FRMD4B: variants seen among roughly 807,000 people sequenced by gnomAD.
FRMD4B encodes FERM domain-containing protein 4B.
Under a neutral mutation model 141.5 loss-of-function variants are expected in FRMD4B, and 74 were observed. The ratio of observed to expected loss-of-function variants is 0.52; its 90% CI spans 0.43 to 0.63. FRMD4B has a LOEUF of 0.63. Among genes scored for constraint, FRMD4B ranks in the 30% least tolerant of loss-of-function variants. The pLI is 0.00. For synonymous variants in FRMD4B, 506 were observed against 467.9 expected, an observed-to-expected ratio of 1.08 and a Z score of -1.05; for missense variants, 1,366 against 1,253.4, an observed-to-expected ratio of 1.09 and a Z score of -1.36.
chr3:69,456,244 C>T (rs1705610554), intron 1 of FRMD4B, among the ~76,000 whole-genome samples: 1 of 76,306 alleles, frequency 1.3e-5, no homozygotes, highest in South Asian at 4.7e-4. Flanking sequence ...AAAGTGTTTG[C>T]ACAAAGTAAG....
intron 5 of FRMD4B, among the ~76,000 whole-genome samples, chr3:69,279,920 A>G (rs2093637133): frequency 6.6e-6 from 1 of 151,780 alleles, no homozygotes; most frequent in Non-Finnish European, 1.5e-5. Context: ...CATTATTACC[A>G]TATTTATATA....
intron 3 of FRMD4B, among the ~76,000 whole-genome samples, chr3:69,307,419 C>A (rs371289995): frequency 1.3e-4 from 20 of 152,246 alleles, no homozygotes; most frequent in African/African-American, 4.6e-4. Flanking sequence ...CGGTTCACTG[C>A]AACCTCCACC....
At chr3:69,381,529 C>A (rs1704119018) in intron 1 of FRMD4B, among the ~76,000 whole-genome samples, 2 of 152,172 alleles carry the variant, frequency 1.3e-5, no homozygotes, top group Admixed American at 1.3e-4. Flanking sequence ...TTTTTATCAA[C>A]AAGATCATCT....
At chr3:69,260,992 T>G (rs1344571531) in intron 5 of FRMD4B, among the ~76,000 whole-genome samples, 4 of 152,194 alleles carry the variant, frequency 2.6e-5, no homozygotes, top group Non-Finnish European at 5.9e-5. Context: ...CAATTAGCTC[T>G]CTGTAAAATG....
chr3:69,230,201 C>T (rs991851055), intron 7 of FRMD4B, among the ~76,000 whole-genome samples: 1 of 152,010 alleles, frequency 6.6e-6, no homozygotes, highest in African/African-American at 2.4e-5. Context: ...TGATCTTGAA[C>T]TCCTGACCTC....
chr3:69,195,358 T>G lies in FRMD4B; in HGVS notation c.1241A>C (p.Gln414Pro), dbSNP rs748062011. The stretch of plus-strand genomic sequence containing the variant: ...TTGCTCTTCACTAACTTCTGAGTCT[T>G]GAGAACCTAGGGGATGAGGGAAGGG... The part of the protein sequence containing the change: ...SNGSLISSGS[Q>P]DSEVSEEQKR... The change falls in exon 15 of 23, where the codon CAA becomes CCA. Residue 414 changes from glutamine to proline, a missense_variant. Physicochemically the swap from Gln to Pro is moderately conservative, Grantham distance 76. Coordinates refer to ENST00000398540, the MANE Select transcript of FRMD4B (RefSeq NM_015123.3). 23 of 1,610,436 alleles carry G rather than the reference T, an allele frequency of 1.4e-5. No individual in the cohort carries two copies. In the South Asian group the frequency reaches 2.3e-4, roughly 16 times the overall value.
At chr3:69,472,247 C>A in intron 1 of FRMD4B, 1 of 322,840 alleles carries the variant, frequency 3.1e-6, no homozygotes, top group Admixed American at 3.3e-5. Flanking sequence ...GTGAGTTCAG[C>A]ATGTCCAGCC....
chr3:69,239,091 G>A (rs1410231448), intron 7 of FRMD4B, among the ~76,000 whole-genome samples: 1 of 152,208 alleles, frequency 6.6e-6, no homozygotes, highest in Non-Finnish European at 1.5e-5. Context: ...AACTTTGAAA[G>A]TAACTTGCCA....
chr3:69,270,706 C>G (rs2093590603), intron 5 of FRMD4B, among the ~76,000 whole-genome samples: 1 of 151,988 alleles, frequency 6.6e-6, no homozygotes, highest in South Asian at 2.1e-4. Context: ...GCTGGGACTA[C>G]AGGCGCCCGC....
rs573533090 is a variant in FRMD4B, at chr3:69,329,122, A to G, written c.163-15605T>C. Among the ~76,000 whole-genome samples the G allele has an allele frequency of 4.4e-4, 67 of 152,364 alleles. 1 individual carries two copies. The highest frequency in any genetic ancestry group is 8.5e-4 in the Admixed American group (13 of 15,304). On this transcript the variant is annotated intron_variant, in intron 1 of 22. Coordinates refer to ENST00000398540, the MANE Select transcript of FRMD4B (RefSeq NM_015123.3). ...CATACCAGTGGAGAAAGTGATGGTC[A>G]GAACACTCAGGATGTGGAGGCCGTT...
At chr3:69,501,074 T>G (rs894025964) in intron 1 of FRMD4B, among the ~76,000 whole-genome samples, 31 of 152,164 alleles carry the variant, frequency 2.0e-4, no homozygotes, top group Admixed American at 2.0e-3. Context: ...GTAAAAAAAT[T>G]TAAAAATCAG....
chr3:69,371,981 C>T (rs766799752), intron 1 of FRMD4B, among the ~76,000 whole-genome samples: 10 of 152,160 alleles, frequency 6.6e-5, no homozygotes, highest in Non-Finnish European at 1.0e-4. Context: ...ACCAGGGCAC[C>T]GTGTGATCTA....
At chr3:69,408,092 G>A (rs1296139703) in intron 2 of FRMD4B, among the ~76,000 whole-genome samples, 1 of 152,148 alleles carries the variant, frequency 6.6e-6, no homozygotes, top group East Asian at 1.9e-4. Context: ...GCACAGCTGC[G>A]TGCCAATAAA....
In FRMD4B at chr3:69,229,964, G is replaced by T. The variant is rs191041474; in HGVS notation, c.582-5274C>A. 1.5e-3 allele frequency among the ~76,000 whole-genome samples: 228 copies of T among 151,790 alleles called. 1 individual carries two copies. The highest frequency in any genetic ancestry group is 5.2e-3 in the African/African-American group (215 of 41,390). On this transcript the variant is annotated intron_variant, in intron 7 of 22. Transcript: ENST00000398540. ...CATGATCAAGAGATAGACCGCACCC[G>T]GCCAGACTATCAAACTTTTTTTTTT...
intron 4 of FRMD4B, among the ~76,000 whole-genome samples, chr3:69,298,702 G>C (rs1178780887): frequency 6.6e-6 from 1 of 152,162 alleles, no homozygotes; most frequent in Admixed American, 6.6e-5. Context: ...CCTGGGTCCT[G>C]GGTCCTTGTC....
At chr3:69,511,565 C>A (rs1213232731) in intron 1 of FRMD4B, among the ~76,000 whole-genome samples, 1 of 152,186 alleles carries the variant, frequency 6.6e-6, no homozygotes, top group Non-Finnish European at 1.5e-5. Context: ...TGACTGACAG[C>A]CCCAGCTGTC....
intron 1 of FRMD4B, among the ~76,000 whole-genome samples, chr3:69,362,279 T>C (rs974103471): frequency 6.6e-6 from 1 of 152,164 alleles, no homozygotes; most frequent in South Asian, 2.1e-4. Flanking sequence ...TTAAATAACT[T>C]ACATGAAATC....
rs1396761371 is a variant in FRMD4B at position 69,169,452 on chromosome 3, G to C, written c.*2409C>G. 6.6e-6 allele frequency among the ~76,000 whole-genome samples: 1 copy of C among 150,798 alleles called. No individual in the cohort carries two copies. Among genetic ancestry groups the C allele is most frequent in the African/African-American group, 2.4e-5 (1 of 40,838 alleles). On this transcript the variant is annotated 3_prime_UTR_variant, in exon 23 of 23. Coordinates refer to ENST00000398540, the MANE Select transcript of FRMD4B (RefSeq NM_015123.3). ...GGCTCACTGCAACCTCCGCCTCCTG[G>C]GCTCAAGATATCCTCCCAACTCAGC...
At chr3:69,470,917 G>A (rs748107738) in intron 1 of FRMD4B, among the ~76,000 whole-genome samples, 5 of 152,140 alleles carry the variant, frequency 3.3e-5, no homozygotes, top group Non-Finnish European at 5.9e-5. Context: ...CCACATGGCC[G>A]ACAGGCTTGA....
Sources: gnomAD v4.1 joint callset for allele counts (sites outside exome capture counted in the v4.1 genomes callset) on GRCh38, gnomAD v4.1.1 for gene constraint, MANE v1.5 for transcripts, NCBI Gene and HGNC (gene_info 2026-07-23, HGNC 2026-07-21) for gene names.